Variants in RIMS1 observed in about 807,000 individuals in gnomAD.
RIMS1 encodes regulating synaptic membrane exocytosis 1.
A neutral mutation model predicts 214.1 loss-of-function variants in RIMS1; 83 were observed. That is an observed-to-expected ratio of 0.39 (90% CI 0.32 to 0.47). The LOEUF is 0.47. Among genes scored for constraint, RIMS1 ranks in the 20% least tolerant of loss-of-function variants. RIMS1 has a pLI of 0.99. For synonymous variants in RIMS1, 793 were observed against 786.8 expected (o/e 1.01, Z -0.13); for missense variants, 2,050 against 2,161.8 (o/e 0.95, Z 1.03).
intron 26 of RIMS1, among the ~76,000 whole-genome samples, chr6:72,301,289 A>G (rs2094577242): frequency 1.3e-5 from 2 of 151,720 alleles, no homozygotes; most frequent in African/African-American, 2.4e-5. Context: ...GGGCATTTCT[A>G]TGTAGTCAAA....
intron 2 of RIMS1, among the ~76,000 whole-genome samples, chr6:72,051,146 G>A (rs149569417): frequency 4.1e-4 from 63 of 152,064 alleles, no homozygotes; most frequent in Middle Eastern, 3.4e-3. Context: ...TACCCTTTTC[G>A]TTATCTCAGT....
chr6:71,898,349 A>T (rs1464921860), intron 1 of RIMS1, among the ~76,000 whole-genome samples: 1 of 152,154 alleles, frequency 6.6e-6, no homozygotes, highest in African/African-American at 2.4e-5. Flanking sequence ...ATAAAAAAGG[A>T]TACCTCAGTT....
intron 2 of RIMS1, among the ~76,000 whole-genome samples, chr6:71,979,354 A>G (rs996562032): frequency 6.6e-6 from 1 of 152,074 alleles, no homozygotes; most frequent in Non-Finnish European, 1.5e-5. Flanking sequence ...TGGCTGGCAT[A>G]TGGAAGACAA....
intron 11 of RIMS1, among the ~76,000 whole-genome samples, chr6:72,247,337 G>A (rs1452304679): frequency 2.6e-5 from 4 of 151,986 alleles, no homozygotes; most frequent in African/African-American, 9.7e-5. Flanking sequence ...TCAGGAGTTC[G>A]AGACCAGCCT....
intron 1 of RIMS1, among the ~76,000 whole-genome samples, chr6:71,909,130 C>G (rs942090197): frequency 6.6e-6 from 1 of 152,096 alleles, no homozygotes; most frequent in Non-Finnish European, 1.5e-5. Flanking sequence ...GATGGGACTA[C>G]AGGCACCCAC....
At chr6:72,192,669 T>C (rs933651486) in intron 6 of RIMS1, among the ~76,000 whole-genome samples, 3 of 152,230 alleles carry the variant, frequency 2.0e-5, no homozygotes, top group African/African-American at 7.2e-5. Flanking sequence ...ATTGCTGCTT[T>C]GCCTCTGCTG....
intron 29 of RIMS1, chr6:72,366,904 A>G (rs2098048647): frequency 1.0e-6 from 1 of 959,020 alleles, no homozygotes; most frequent in African/African-American, 1.8e-5. Context: ...ACTAAGTTAT[A>G]AGGGGAGTTT....
intron 2 of RIMS1, among the ~76,000 whole-genome samples, chr6:72,001,432 C>G (rs763384717): frequency 6.6e-6 from 1 of 152,148 alleles, no homozygotes; most frequent in Non-Finnish European, 1.5e-5. Context: ...CATTCTTGGA[C>G]ATGTTACCAT....
At chr6:71,972,163 A>G (rs1218148034) in intron 2 of RIMS1, among the ~76,000 whole-genome samples, 2 of 152,218 alleles carry the variant, frequency 1.3e-5, no homozygotes, top group Non-Finnish European at 2.9e-5. Flanking sequence ...CCAAGGTAGT[A>G]GAGGGATTCA....
intron 2 of RIMS1, among the ~76,000 whole-genome samples, chr6:71,979,719 A>G (rs1331246048): frequency 2.0e-5 from 3 of 152,088 alleles, no homozygotes; most frequent in African/African-American, 7.2e-5. Flanking sequence ...ATCACTTTTT[A>G]GAAGTTTATA....
At chr6:72,099,251 GGAGGTACTTAC>G (rs144815966) in intron 3 of RIMS1, among the ~76,000 whole-genome samples, 1,707 of 152,302 alleles carry the variant, frequency 0.011, 11 homozygotes, top group Non-Finnish European at 0.017. Flanking sequence ...AATTGAGGTA[GGAGGTACTTAC>G]GCTTTGGAGA....
At chr6:72,315,190 A>T (rs1337481512) in intron 28 of RIMS1, among the ~76,000 whole-genome samples, 2 of 152,222 alleles carry the variant, frequency 1.3e-5, no homozygotes, top group African/African-American at 4.8e-5. Flanking sequence ...TCAACAAATC[A>T]GCATGGACTA....
intron 28 of RIMS1, among the ~76,000 whole-genome samples, chr6:72,327,622 A>T (rs2096524272): frequency 6.6e-6 from 1 of 151,798 alleles, no homozygotes; most frequent in African/African-American, 2.4e-5. Context: ...ATCACTTTAC[A>T]TCCCCATCAG....
At chr6:71,985,610 G>A (rs2151532043) in intron 2 of RIMS1, among the ~76,000 whole-genome samples, 1 of 152,030 alleles carries the variant, frequency 6.6e-6, no homozygotes, top group Non-Finnish European at 1.5e-5. Flanking sequence ...GTCTTGGGTG[G>A]GAGTATTTAC....
chr6:71,909,086 T>C (rs1776146267), intron 1 of RIMS1, among the ~76,000 whole-genome samples: 1 of 152,156 alleles, frequency 6.6e-6, no homozygotes. Context: ...GCCTTCCGGG[T>C]TGAAGGGATC....
chr6:72,276,691 A>T (rs1305541564), intron 23 of RIMS1, among the ~76,000 whole-genome samples: 1 of 152,208 alleles, frequency 6.6e-6, no homozygotes, highest in African/African-American at 2.4e-5. Context: ...TATAGAGAAT[A>T]GAGAATTATT....
chr6:72,175,942 T>C (rs1301646244), intron 4 of RIMS1, among the ~76,000 whole-genome samples: 1 of 152,202 alleles, frequency 6.6e-6, no homozygotes, highest in African/African-American at 2.4e-5. Context: ...AATAGTTTAT[T>C]GTACTTCTTA....
At chr6:72,060,531 T>C (rs891742965) in intron 2 of RIMS1, among the ~76,000 whole-genome samples, 2 of 152,214 alleles carry the variant, frequency 1.3e-5, no homozygotes, top group African/African-American at 4.8e-5. Flanking sequence ...CTGGGTACTA[T>C]TGTTCTGATT....
intron 26 of RIMS1, among the ~76,000 whole-genome samples, chr6:72,299,500 A>G (rs1195539717): frequency 6.6e-6 from 1 of 151,892 alleles, no homozygotes; most frequent in African/African-American, 2.4e-5. Context: ...TAACTAGATC[A>G]TTAGGATTGT....
Sources: allele counts gnomAD v4.1 joint callset (sites outside exome capture counted in the v4.1 genomes callset), GRCh38; gene constraint gnomAD v4.1.1; transcripts MANE v1.5; gene names NCBI Gene and HGNC (gene_info 2026-07-23, HGNC 2026-07-21).